DNAAF6: variants seen among roughly 807,000 people sequenced by gnomAD.
The protein encoded by DNAAF6 is PIH1 domain containing 3.
DNAAF6 carries 3 observed loss-of-function variants against 13.7 expected under a neutral mutation model. That is an observed-to-expected ratio of 0.22 (90% CI 0.10 to 0.56). The LOEUF (loss-of-function observed/expected upper bound fraction) is 0.56. Among genes scored for constraint, DNAAF6 ranks in the 20% least tolerant of loss-of-function variants. The pLI is 0.92. For missense variants in DNAAF6, 130 were observed against 151.0 expected (o/e 0.86, Z 0.73); for synonymous variants, 54 against 49.2 (o/e 1.10, Z -0.41).
rs985768555 is a variant in DNAAF6 at position 107,220,384 on chromosome X, C to G, written c.332+1415C>G. On this transcript the variant is annotated intron_variant, in intron 4 of 6. Transcript: ENST00000372453. ...GTCACTTATTTGTCATATTGTCTAA[C>G]AAATGTCAAATATCCATATGCAGCA... 3.6e-5 allele frequency among the ~76,000 whole-genome samples: 4 copies of G among 111,967 alleles called. No individual in the cohort carries two copies. The Admixed American group carries it at 3.8e-4, about 11-fold the overall frequency.
chrX:107,229,229 C>T (rs147765550), intron 5 of DNAAF6, among the ~76,000 whole-genome samples: 3,426 of 97,373 alleles, frequency 0.035, 183 homozygotes, highest in African/African-American at 0.12. Flanking sequence ...ACTCCACCTT[C>T]TGGGTTCAAG....
At chrX:107,234,356 C>G (rs1928472726) in intron 5 of DNAAF6, among the ~76,000 whole-genome samples, 1 of 111,608 alleles carries the variant, frequency 9.0e-6, no homozygotes, top group African/African-American at 3.3e-5. Context: ...TAAAATTTTC[C>G]TATAGATTAT....
chrX:107,213,613 C>G (rs762085344), intron 2 of DNAAF6, among the ~76,000 whole-genome samples: 2 of 111,776 alleles, frequency 1.8e-5, no homozygotes, highest in Non-Finnish European at 3.8e-5. Context: ...CTTGCAGTAG[C>G]AAGATGGGCT....
Position 107,219,296 on chromosome X carries a change from T to C in DNAAF6, c.332+327T>C, listed in dbSNP as rs777914395. Among the ~76,000 whole-genome samples, 313 of 112,259 alleles carry C rather than the reference T, an allele frequency of 2.8e-3. 2 individuals carry two copies. Among genetic ancestry groups the C allele is most frequent in the African/African-American group, 9.6e-3 (297 of 31,005 alleles). ...CAGCCCATTAAATTGCAAGCATTCA[T>C]ACAAACTAAATTACAATGCCATGTT... On this transcript the variant is annotated intron_variant, in intron 4 of 6. Transcript: ENST00000372453.
chrX:107,218,181 GT>G (rs1018631998), intron 3 of DNAAF6, among the ~76,000 whole-genome samples: 15 of 111,882 alleles, frequency 1.3e-4, no homozygotes, highest in Non-Finnish European at 2.8e-4. Context: ...TGTGAGCTGG[GT>G]TTTTGCATGC....
At chrX:107,236,040 G>A (rs1388679545) in intron 5 of DNAAF6, among the ~76,000 whole-genome samples, 3 of 111,158 alleles carry the variant, frequency 2.7e-5, no homozygotes, top group African/African-American at 9.8e-5. Flanking sequence ...ACACTGAGTC[G>A]GGAGAATTGC....
Position 107,243,429 on chromosome X carries a change from A to C in DNAAF6, c.*131A>C. On this transcript the variant is annotated 3_prime_UTR_variant, in exon 7 of 7. Transcript: ENST00000372453. ...TTTGAAAGGGACAAAATTCAGTTCT[A>C]GTGATATTGTGACCATTTACAGTAA... is the stretch of plus-strand genomic sequence containing the variant. 1 of 864,722 alleles carries C rather than the reference A, an allele frequency of 1.2e-6. No individual in the cohort carries two copies. The highest frequency in any genetic ancestry group is 1.6e-6 in the Non-Finnish European group (1 of 638,897). 71.3% of individuals were successfully genotyped at this position (864,722 alleles called of 1,213,427 possible).
chrX:107,241,427 T>G (rs893941575), intron 6 of DNAAF6, among the ~76,000 whole-genome samples: 1 of 112,103 alleles, frequency 8.9e-6, no homozygotes, highest in Non-Finnish European at 1.9e-5. Context: ...TGTTTGTTCA[T>G]ATCTTATAGT....
At chrX:107,228,427 G>GT (rs1469985914) in intron 5 of DNAAF6, among the ~76,000 whole-genome samples, 3 of 110,329 alleles carry the variant, frequency 2.7e-5, no homozygotes, top group Non-Finnish European at 3.8e-5. Flanking sequence ...ATTTAGGGGA[G>GT]TTTTTTTAAG....
intron 6 of DNAAF6, among the ~76,000 whole-genome samples, chrX:107,242,241 T>G (rs1349684204): frequency 8.9e-6 from 1 of 112,464 alleles, no homozygotes; most frequent in East Asian, 2.8e-4. Flanking sequence ...CCCAGTCTTC[T>G]GAACTCAGGT....
intron 1 of DNAAF6, 148 bp downstream of exon 1, chrX:107,206,838 C>CCTAAATCCCGCTATCCTAGACTCTTCA (rs1927713413): frequency 9.0e-6 from 1 of 111,305 alleles, no homozygotes; most frequent in Non-Finnish European, 1.9e-5. Context: ...AGACCCGTTC[C>CCTAAATCCCGCTATCCTAGACTCTTCA]CTAAATCCCG....
intron 6 of DNAAF6, among the ~76,000 whole-genome samples, chrX:107,240,240 T>G (rs1275848133): frequency 8.9e-6 from 1 of 112,096 alleles, no homozygotes; most frequent in Non-Finnish European, 1.9e-5. Context: ...GGCTATACAC[T>G]AGGTCCTTTG....
intron 4 of DNAAF6, among the ~76,000 whole-genome samples, chrX:107,220,042 G>A (rs1313152095): frequency 2.7e-5 from 3 of 110,622 alleles, no homozygotes; most frequent in Non-Finnish European, 3.8e-5. Flanking sequence ...CAGGCAATCC[G>A]CCCGCCTCAG....
At chrX:107,240,517 G>A (rs1928604000) in intron 6 of DNAAF6, among the ~76,000 whole-genome samples, 1 of 111,758 alleles carries the variant, frequency 8.9e-6, no homozygotes, top group Non-Finnish European at 1.9e-5. Context: ...ATCTGAGAAA[G>A]ATTTGAGAGG....
intron 2 of DNAAF6, among the ~76,000 whole-genome samples, 177 bp downstream of exon 2, chrX:107,213,205 A>G (rs1327968923): frequency 8.9e-6 from 1 of 111,982 alleles, no homozygotes; most frequent in Non-Finnish European, 1.9e-5. Flanking sequence ...TCTAGCAAAG[A>G]TAATTATATT....
intron 1 of DNAAF6, chrX:107,207,363 A>G (rs1165634512): frequency 1.8e-5 from 2 of 111,726 alleles, no homozygotes; most frequent in African/African-American, 6.5e-5. Flanking sequence ...GCCCGAGTGT[A>G]CTGTGCAGAG....
At chrX:107,226,953 C>T (rs1351681932) in intron 5 of DNAAF6, among the ~76,000 whole-genome samples, 1 of 111,527 alleles carries the variant, frequency 9.0e-6, no homozygotes, top group Non-Finnish European at 1.9e-5. Flanking sequence ...CCAGGAGTCA[C>T]ATGTTTATCA....
intron 5 of DNAAF6, among the ~76,000 whole-genome samples, chrX:107,229,168 C>T (rs776297531): frequency 3.4e-5 from 2 of 59,036 alleles, no homozygotes; most frequent in East Asian, 1.6e-3. Context: ...GACAGAGTCC[C>T]GCTCTGTCGC....
At chrX:107,208,631 G>A (rs1268854216) in intron 1 of DNAAF6, among the ~76,000 whole-genome samples, 24 of 107,042 alleles carry the variant, frequency 2.2e-4, no homozygotes, top group African/African-American at 8.2e-4. Context: ...TCCACCTCCC[G>A]GGTTCAAGCG....
Sources: allele counts gnomAD v4.1 joint callset (sites outside exome capture counted in the v4.1 genomes callset), GRCh38; gene constraint gnomAD v4.1.1; transcripts MANE v1.5; gene names NCBI Gene and HGNC (gene_info 2026-07-23, HGNC 2026-07-21).